The following KLHL5 variants were observed in gnomAD, a reference collection of about 807,000 sequenced individuals.
KLHL5 encodes kelch like family member 5, also known as kelch-like protein 5.
In KLHL5, 48 loss-of-function variants were observed where a neutral mutation model predicts 77.7. That is an observed-to-expected ratio of 0.62 (90% CI 0.49 to 0.79). The LOEUF is 0.79. KLHL5 is among the 30% of genes least tolerant of loss of function. The pLI is 0.00. For missense variants in KLHL5, 723 were observed against 859.7 expected (o/e 0.84, Z 1.99); for synonymous variants, 260 against 297.0 (o/e 0.88, Z 1.28).
At chr4:39,053,221 A>T (rs6848463) in intron 1 of KLHL5, among the ~76,000 whole-genome samples, 1,589 of 152,296 alleles carry the variant, frequency 0.01, 28 homozygotes, top group African/African-American at 0.036. Context: ...ATGCTGTTCT[A>T]ACAAAAATAG....
At chr4:39,072,375 T>A (rs1718558257) in intron 1 of KLHL5, among the ~76,000 whole-genome samples, 1 of 152,160 alleles carries the variant, frequency 6.6e-6, no homozygotes, top group Non-Finnish European at 1.5e-5. Flanking sequence ...TTAAAGAAAG[T>A]AAGCCTTAGA....
chr4:39,077,222 G>A (rs1405220109), intron 2 of KLHL5, among the ~76,000 whole-genome samples: 1 of 152,098 alleles, frequency 6.6e-6, no homozygotes, highest in Non-Finnish European at 1.5e-5. Context: ...ACTTTAGGAG[G>A]CTGAGGCAGG....
intron 1 of KLHL5, among the ~76,000 whole-genome samples, chr4:39,046,956 C>T (rs1716237229): frequency 6.6e-6 from 1 of 152,126 alleles, no homozygotes; most frequent in Non-Finnish European, 1.5e-5. Flanking sequence ...ATTCTGAGCT[C>T]AAGTAAGTTT....
intron 5 of KLHL5, among the ~76,000 whole-genome samples, chr4:39,095,786 A>G (rs2109464234): frequency 6.6e-6 from 1 of 151,990 alleles, no homozygotes; most frequent in South Asian, 2.1e-4. Flanking sequence ...TTTTCTTGAG[A>G]TAATGTTGAG....
rs528338189 is a variant in KLHL5 at position 39,082,212 on chromosome 4, T to C, written c.900+53T>C. On this transcript the variant is annotated intron_variant, in intron 4 of 10. Transcript: ENST00000504108. ...CGATCCTCCATATGCATATTTCTTA[T>C]TGTTGCAGGCTTATCTGCATGTTAC... The C allele has an allele frequency of 1.7e-5, 23 of 1,389,062 alleles. No homozygotes were observed. In the East Asian group the frequency reaches 3.8e-4, roughly 23 times the overall value. The allele number at this position is 1,389,062 out of a possible 1,614,324, so 86.0% of individuals were successfully genotyped here. A position where few individuals can be genotyped will look rare whatever the true frequency, so the allele number is the denominator to read the frequency against.
chr4:39,078,976 C>T (rs1719354509), intron 2 of KLHL5, among the ~76,000 whole-genome samples: 1 of 151,542 alleles, frequency 6.6e-6, no homozygotes, highest in African/African-American at 2.4e-5. Context: ...TTAAAATTTT[C>T]AGTGACTCAA....
At position 39,089,845 on chromosome 4, in the gene KLHL5, C is replaced by T. The variant is rs576793436; in HGVS notation, c.1113+3118C>T. 6.2e-4 allele frequency among the ~76,000 whole-genome samples: 95 copies of T among 152,302 alleles called. 2 individuals carry two copies. ...AAGTCTTCCAGTGGCTTTGATGCAT[C>T]CTCAAGTTTGAGAACCATTATCCAC... On this transcript the variant is annotated intron_variant, in intron 5 of 10. Transcript: ENST00000504108.
At chr4:39,080,079 T>A (rs1719469401) in intron 2 of KLHL5, among the ~76,000 whole-genome samples, 1 of 152,186 alleles carries the variant, frequency 6.6e-6, no homozygotes, top group African/African-American at 2.4e-5. Flanking sequence ...GTGCCACTCC[T>A]GGGGAGGTAA....
At chr4:39,074,764 C>A (rs1038977876) in intron 1 of KLHL5, among the ~76,000 whole-genome samples, 3 of 152,080 alleles carry the variant, frequency 2.0e-5, no homozygotes, top group Non-Finnish European at 4.4e-5. Flanking sequence ...TAACAAGATT[C>A]TCTTAAGATA....
At chr4:39,057,946 C>G (rs1482333609), upstream of KLHL5, among the ~76,000 whole-genome samples, 1 of 152,130 alleles carries the variant, frequency 6.6e-6, no homozygotes, top group Non-Finnish European at 1.5e-5. Flanking sequence ...CACCTTCAGT[C>G]TATCTTAATG....
intron 1 of KLHL5, among the ~76,000 whole-genome samples, chr4:39,070,060 C>T (rs543847195): frequency 6.6e-6 from 1 of 152,246 alleles, no homozygotes; most frequent in African/African-American, 2.4e-5. Context: ...TTAGCAAGCT[C>T]AATGGAAAGA....
chr4:39,073,750 T>G (rs1718718671), intron 1 of KLHL5, among the ~76,000 whole-genome samples: 1 of 152,030 alleles, frequency 6.6e-6, no homozygotes, highest in South Asian at 2.1e-4. Context: ...GTTCAAACGA[T>G]TCTCCTGCCT....
Position 39,081,084 on chromosome 4 carries a change from T to C in KLHL5, c.567-19T>C. On this transcript the variant is annotated intron_variant, in intron 2 of 10. Coordinates refer to ENST00000504108, the MANE Select transcript of KLHL5 (RefSeq NM_015990.5). This position sits in a 1 kb window ranked among gnomAD's most constrained non-coding sequence, Gnocchi z 4.3. ...CTCGAATGTGGTCATTGATTTTTTTTTTCCTAATGTGTTCACAGATTGGTG... is the reference window on the plus strand; with the variant it reads ...CTCGAATGTGGTCATTGATTTTTTTCTTCCTAATGTGTTCACAGATTGGTG... The C allele has an allele frequency of 6.3e-7, 1 of 1,574,962 alleles. No individual in the cohort carries two copies. Among genetic ancestry groups the C allele is most frequent in the South Asian group, 1.2e-5 (1 of 84,374 alleles).
At chr4:39,049,096 G>A (rs893533859) in intron 1 of KLHL5, among the ~76,000 whole-genome samples, 10 of 152,168 alleles carry the variant, frequency 6.6e-5, no homozygotes, top group African/African-American at 2.4e-4. Context: ...AATAGTCTGT[G>A]AACGGTCTTA....
At chr4:39,063,092 T>C in intron 1 of KLHL5, 57 bp downstream of exon 1, 1 of 1,227,626 alleles carries the variant, frequency 8.1e-7, no homozygotes, top group South Asian at 1.7e-5. Flanking sequence ...CTATAATGTT[T>C]TTAAATAATT....
At chr4:39,075,567 A>C (rs1305950965) in intron 1 of KLHL5, among the ~76,000 whole-genome samples, 1 of 152,184 alleles carries the variant, frequency 6.6e-6, no homozygotes, top group Admixed American at 6.5e-5. Flanking sequence ...TTGTATTTCC[A>C]AAATAATTTA....
chr4:39,107,822 TAC>T, intron 8 of KLHL5, 91 bp downstream of exon 8: 1 of 913,048 alleles, frequency 1.1e-6, no homozygotes, highest in South Asian at 2.6e-5. Flanking sequence ...CATAAATACT[TAC>T]AGTGATTTGA....
chr4:39,055,228 T>C (rs932557003), intron 1 of KLHL5, among the ~76,000 whole-genome samples: 10 of 152,312 alleles, frequency 6.6e-5, no homozygotes, highest in Admixed American at 3.3e-4. Context: ...GAATATTAAT[T>C]AACTACATTA....
Position 39,125,628 on chromosome 4 carries a change from T to C in KLHL5, c.*4562T>C, listed in dbSNP as rs937957137. Among the ~76,000 whole-genome samples, 1 of 152,186 alleles carries C rather than the reference T, an allele frequency of 6.6e-6. No homozygotes were observed. The highest frequency in any genetic ancestry group is 1.5e-5 in the Non-Finnish European group (1 of 68,046). On this transcript the variant is annotated 3_prime_UTR_variant, in exon 11 of 11. Transcript: ENST00000504108. ...AACGTATTGCATGAGTGCATTTATA[T>C]GAAATATCCAAAATAGGCAAATCCA...
Sources: allele counts gnomAD v4.1 joint callset (sites outside exome capture counted in the v4.1 genomes callset), GRCh38; gene constraint gnomAD v4.1.1; non-coding constraint Gnocchi (gnomAD v3.1); transcripts MANE v1.5; gene names NCBI Gene and HGNC (gene_info 2026-07-23, HGNC 2026-07-21).